Variants in RAD51B observed in about 807,000 individuals in gnomAD.
The protein encoded by RAD51B is RAD51 paralog B.
Under a neutral mutation model 42.2 loss-of-function variants are expected in RAD51B, and 38 were observed. The ratio of observed to expected loss-of-function variants is 0.90; its 90% CI spans 0.70 to 1.18. The LOEUF (loss-of-function observed/expected upper bound fraction) is 1.18, where lower values mean the gene tolerates loss of function less well. Ranked by LOEUF, RAD51B falls within the 50% of genes most tolerant of loss-of-function variation. The pLI is 0.00. For missense variants in RAD51B, 373 were observed against 400.7 expected, an observed-to-expected ratio of 0.93 and a Z score of 0.59; for synonymous variants, 154 against 145.2, an observed-to-expected ratio of 1.06 and a Z score of -0.43.
chr14:68,661,865 T>G (rs1964217777), intron 11 of RAD51B, among the ~76,000 whole-genome samples: 1 of 152,194 alleles, frequency 6.6e-6, no homozygotes, highest in South Asian at 2.1e-4. Context: ...CATCACCCAG[T>G]GGTCTTTGTA....
At chr14:68,396,547 A>C (rs981531801) in intron 8 of RAD51B, among the ~76,000 whole-genome samples, 1 of 152,262 alleles carries the variant, frequency 6.6e-6, no homozygotes, top group Non-Finnish European at 1.5e-5. Flanking sequence ...TCTGGCAAAG[A>C]AGGTGAACCA....
At chr14:68,496,983 G>T (rs1884573377) in intron 10 of RAD51B, 1 of 743,416 alleles carries the variant, frequency 1.3e-6, no homozygotes, top group African/African-American at 1.9e-5. Flanking sequence ...TTCAAATGAG[G>T]TTGGAACAAA....
chr14:68,403,912 C>G (rs925983387), intron 8 of RAD51B, among the ~76,000 whole-genome samples: 17 of 152,200 alleles, frequency 1.1e-4, no homozygotes, highest in Non-Finnish European at 1.9e-4. Flanking sequence ...TAAGGGTCAT[C>G]AAGAACCTCT....
intron 4 of RAD51B, among the ~76,000 whole-genome samples, chr14:67,836,487 CTTTT>C (rs61525158): frequency 1.4e-5 from 2 of 141,554 alleles, no homozygotes; most frequent in Admixed American, 1.4e-4. Flanking sequence ...AAATTAGCCT[CTTTT>C]TTTTTTTTTT....
At chr14:68,535,062 A>T (rs1171053438) in intron 10 of RAD51B, among the ~76,000 whole-genome samples, 3 of 152,136 alleles carry the variant, frequency 2.0e-5, no homozygotes, top group Non-Finnish European at 4.4e-5. Flanking sequence ...GCCAAAGTTC[A>T]AACACACTCT....
chr14:68,664,998 C>T (rs1305569362), intron 11 of RAD51B, among the ~76,000 whole-genome samples: 1 of 152,354 alleles, frequency 6.6e-6, no homozygotes, highest in South Asian at 2.1e-4. Context: ...TCCTTTCAGC[C>T]CCTTTCTTCC....
intron 11 of RAD51B, among the ~76,000 whole-genome samples, chr14:68,655,617 C>G (rs1288124602): frequency 6.6e-6 from 1 of 152,210 alleles, no homozygotes; most frequent in African/African-American, 2.4e-5. Context: ...TGACACACAG[C>G]TCTTGCTCCA....
intron 7 of RAD51B, among the ~76,000 whole-genome samples, chr14:68,146,218 G>A (rs760678151): frequency 6.6e-6 from 1 of 152,298 alleles, no homozygotes; most frequent in African/African-American, 2.4e-5. Flanking sequence ...GGGAGGCCTT[G>A]GTGGGCGGAA....
intron 7 of RAD51B, among the ~76,000 whole-genome samples, chr14:68,263,565 T>C (rs2080928499): frequency 6.6e-6 from 1 of 151,778 alleles, no homozygotes; most frequent in Non-Finnish European, 1.5e-5. Context: ...TAATTAACAT[T>C]AGTTACCTAT....
Position 68,215,712 on chromosome 14 carries a change from G to A in RAD51B, c.757-76172G>A, listed in dbSNP as rs1167514887. Among the ~76,000 whole-genome samples, 3 of 152,204 alleles carry A rather than the reference G, an allele frequency of 2.0e-5. No individual in the cohort carries two copies. The East Asian group carries it at 5.8e-4, about 29-fold the overall frequency. On this transcript the variant is annotated intron_variant, in intron 7 of 10. Coordinates refer to ENST00000471583, the MANE Select transcript of RAD51B (RefSeq NM_133510.4). ...CAAAGGCACTGGCTGCCTAGTAGCT[G>A]AGGCAGGGCCAGAACCTGTCTTTAG...
chr14:68,664,139 G>C (rs771540426), intron 11 of RAD51B, among the ~76,000 whole-genome samples: 2 of 152,114 alleles, frequency 1.3e-5, no homozygotes, highest in African/African-American at 4.8e-5. Context: ...CATTGTTGTT[G>C]CTGTTATTTT....
intron 7 of RAD51B, among the ~76,000 whole-genome samples, chr14:68,053,938 C>G (rs8021404): frequency 0.17 from 26,218 of 152,110 alleles, 2,428 homozygotes; most frequent in Middle Eastern, 0.35. Flanking sequence ...CCTATTTAGG[C>G]TGATACATTG....
intron 10 of RAD51B, among the ~76,000 whole-genome samples, chr14:68,557,014 C>T (rs1379692662): frequency 6.6e-6 from 1 of 152,204 alleles, no homozygotes; most frequent in Non-Finnish European, 1.5e-5. Flanking sequence ...ACCTAGCCTT[C>T]AAGCCTCAGC....
chr14:68,217,477 G>A (rs550505177), intron 7 of RAD51B, among the ~76,000 whole-genome samples: 6 of 152,276 alleles, frequency 3.9e-5, no homozygotes, highest in African/African-American at 9.6e-5. Context: ...TCTATGATGC[G>A]GGTGCATGGT....
chr14:67,826,226 T>G (rs1174402041), intron 3 of RAD51B, among the ~76,000 whole-genome samples: 1 of 152,226 alleles, frequency 6.6e-6, no homozygotes, highest in Non-Finnish European at 1.5e-5. Context: ...AGAATGCCCC[T>G]TTCTTTGATA....
Position 68,347,534 on chromosome 14 carries a change from A to G in RAD51B, c.853+55554A>G, listed in dbSNP as rs567572161. On this transcript the variant is annotated intron_variant, in intron 8 of 10. Transcript: ENST00000471583. ...CCATTCCGTATGAAAAACCATATAT[A>G]TTAGCCAGGCATGGTGGCGTGTGCC... Among the ~76,000 whole-genome samples, 23 of 152,282 alleles carry G rather than the reference A, an allele frequency of 1.5e-4. 1 individual carries two copies. Among genetic ancestry groups the G allele is most frequent in the Admixed American group, 1.4e-3 (21 of 15,294 alleles).
rs1595027086 is a variant in RAD51B, at chr14:67,865,265, T to G, written c.452+126T>G. 1.6e-5 allele frequency: 15 copies of G among 938,692 alleles called. No individual in the cohort carries two copies. In the South Asian group the frequency reaches 3.7e-4, roughly 23 times the overall value. The allele number at this position is 938,692 out of a possible 1,614,324, so 58.1% of individuals were successfully genotyped here. On this transcript the variant is annotated intron_variant, in intron 5 of 10. Coordinates refer to ENST00000471583, the MANE Select transcript of RAD51B (RefSeq NM_133510.4). ...CCTTTTTTTTTTTTTTGAGATGGAG[T>G]CTTGCTCTGTTGCCGGGCTGGAGTG...
chr14:67,990,433 A>C (rs563997485), intron 7 of RAD51B, among the ~76,000 whole-genome samples: 2 of 152,322 alleles, frequency 1.3e-5, no homozygotes, highest in Non-Finnish European at 2.9e-5. Flanking sequence ...TTTTATCCTG[A>C]ACTTTGTTTC....
At chr14:68,515,116 A>C (rs1290614967) in intron 10 of RAD51B, among the ~76,000 whole-genome samples, 1 of 152,176 alleles carries the variant, frequency 6.6e-6, no homozygotes, top group Non-Finnish European at 1.5e-5. Flanking sequence ...TTGGAATATA[A>C]TTTATTTTCA....
Sources: gnomAD v4.1 joint callset for allele counts (sites outside exome capture counted in the v4.1 genomes callset) on GRCh38, gnomAD v4.1.1 for gene constraint, MANE v1.5 for transcripts, NCBI Gene and HGNC (gene_info 2026-07-23, HGNC 2026-07-21) for gene names.